The following SLC25A12 variants were observed in gnomAD, a reference collection of about 807,000 sequenced individuals.
The protein encoded by SLC25A12 is solute carrier family 25 member 12.
SLC25A12 carries 32 observed loss-of-function variants against 83.3 expected under a neutral mutation model. The observed-to-expected ratio is 0.38, with a 90% CI of 0.29 to 0.52. SLC25A12 has a LOEUF of 0.52. Among genes scored for constraint, SLC25A12 ranks in the 20% least tolerant of loss-of-function variants. The pLI is 0.84. For missense variants in SLC25A12, 611 were observed against 835.6 expected (o/e 0.73, Z 3.31); for synonymous variants, 267 against 291.1 (o/e 0.92, Z 0.84).
intron 3 of SLC25A12, among the ~76,000 whole-genome samples, chr2:171,866,758 G>C (rs1442191147): frequency 2.1e-5 from 3 of 142,016 alleles, no homozygotes; most frequent in Non-Finnish European, 4.7e-5. Flanking sequence ...CTGGCCGGGT[G>C]GGGGGCTGAC....
chr2:171,813,388 G>A lies in SLC25A12; in HGVS notation c.1122C>T (p.Asp374=), dbSNP rs759032131. ...VGELMYKNSF[D]CFKKVLRYEG... is the part of the protein sequence containing the mutation. ...CATAACGCAAGACTTTCTTAAAACA[G>A]TCAAAGCTGTTTTTGTACATTAGCT... is the stretch of plus-strand genomic sequence containing the variant. The change falls in exon 11 of 18, where the codon GAC becomes GAT. Residue 374 remains aspartate, a synonymous_variant. Transcript: ENST00000422440. 2.5e-6 allele frequency: 4 copies of A among 1,614,066 alleles called. No homozygotes were observed. Among genetic ancestry groups the A allele is most frequent in the Non-Finnish European group, 3.4e-6 (4 of 1,179,966 alleles).
intron 4 of SLC25A12, among the ~76,000 whole-genome samples, chr2:171,847,989 T>C (rs1043279809): frequency 1.3e-5 from 2 of 152,224 alleles, no homozygotes; most frequent in African/African-American, 2.4e-5. Flanking sequence ...CAGTCACTTA[T>C]GATGATTGGA....
intron 5 of SLC25A12, among the ~76,000 whole-genome samples, chr2:171,837,566 G>A (rs921637199): frequency 6.6e-6 from 1 of 152,146 alleles, no homozygotes; most frequent in African/African-American, 2.4e-5. Flanking sequence ...TGAAAACAGA[G>A]AATAATGTTT....
At chr2:171,794,301 G>C (rs922820614) in intron 13 of SLC25A12, among the ~76,000 whole-genome samples, 2 of 152,158 alleles carry the variant, frequency 1.3e-5, no homozygotes, top group Non-Finnish European at 2.9e-5. Flanking sequence ...AAGGGGAAAA[G>C]TCTCCTCCAG....
chr2:171,809,735 T>G, intron 12 of SLC25A12, 49 bp from the exon 13 acceptor site: 2 of 1,351,784 alleles, frequency 1.5e-6, no homozygotes, highest in Non-Finnish European at 2.1e-6. Flanking sequence ...ACCATTTCTC[T>G]TCTGGCATAC....
At chr2:171,814,972 A>G in intron 10 of SLC25A12, 149 bp downstream of exon 10, 1 of 688,896 alleles carries the variant, frequency 1.5e-6, no homozygotes. Context: ...AAGTCTCCTG[A>G]TCATAGGTAA....
intron 9 of SLC25A12, among the ~76,000 whole-genome samples, chr2:171,817,951 C>T (rs1036975370): frequency 6.6e-6 from 1 of 152,168 alleles, no homozygotes; most frequent in Non-Finnish European, 1.5e-5. Flanking sequence ...TTGCTAAAAA[C>T]ATTTCTAACT....
At position 171,791,444 on chromosome 2, in the gene SLC25A12, T is replaced by C; in HGVS notation, c.1585+7A>G. 6.2e-7 allele frequency: 1 copy of C among 1,613,490 alleles called. No homozygotes were observed. ...ATTCTTTCAGTTAAAAAAAAATTTG[T>C]AGTTACCTGCCATGGCTCCAGCTGC... On this transcript the variant is annotated splice_region_variant and intron_variant, in intron 15 of 17. Transcript: ENST00000422440.
intron 6 of SLC25A12, among the ~76,000 whole-genome samples, chr2:171,836,807 C>A (rs944378192): frequency 6.6e-6 from 1 of 152,124 alleles, no homozygotes; most frequent in African/African-American, 2.4e-5. Flanking sequence ...TTCCCTTGAA[C>A]TGGACTCTGT....
chr2:171,868,894 T>C, intron 2 of SLC25A12, 71 bp from the exon 3 acceptor site: 1 of 1,338,736 alleles, frequency 7.5e-7, no homozygotes, highest in Non-Finnish European at 1.1e-6. Context: ...AAATGGTTTG[T>C]GAAAAGGTAA....
chr2:171,806,904 C>T (rs1393341757), intron 13 of SLC25A12, among the ~76,000 whole-genome samples: 7 of 152,312 alleles, frequency 4.6e-5, no homozygotes, highest in African/African-American at 1.7e-4. Context: ...GGCTCACAGA[C>T]AGCCACTCTT....
chr2:171,869,324 A>T (rs1247845936), intron 2 of SLC25A12, among the ~76,000 whole-genome samples: 1 of 152,224 alleles, frequency 6.6e-6, no homozygotes, highest in Non-Finnish European at 1.5e-5. Context: ...AAAATGGTGA[A>T]TTTTACATTA....
rs765417421 is a variant in SLC25A12 at position 171,787,665 on chromosome 2, A to G, written c.1745-4T>C. 34 of 1,613,672 alleles carry G rather than the reference A, an allele frequency of 2.1e-5. No individual in the cohort carries two copies. The highest frequency in any genetic ancestry group is 1.0e-4 in the Admixed American group (6 of 59,998). On this transcript the variant is annotated splice_region_variant and splice_polypyrimidine_tract_variant and intron_variant, in intron 16 of 17. Transcript: ENST00000422440. ...GGAGAGGATCGAAACACTCGAGCTG[A>G]AAAAGAGAAGCAGGGGCAGGGGAGA...
intron 13 of SLC25A12, among the ~76,000 whole-genome samples, chr2:171,804,218 T>C (rs1273329055): frequency 1.3e-5 from 2 of 152,084 alleles, no homozygotes; most frequent in Admixed American, 6.6e-5. Flanking sequence ...TTAGGCACAA[T>C]GTCATGCTTA....
At chr2:171,891,243 G>A (rs1685928669) in intron 2 of SLC25A12, among the ~76,000 whole-genome samples, 1 of 151,652 alleles carries the variant, frequency 6.6e-6, no homozygotes, top group South Asian at 2.1e-4. Context: ...AAGTTGCAGT[G>A]AGCCAAGATC....
intron 2 of SLC25A12, among the ~76,000 whole-genome samples, chr2:171,870,253 C>A (rs1685431291): frequency 6.6e-6 from 1 of 152,112 alleles, no homozygotes; most frequent in Non-Finnish European, 1.5e-5. Flanking sequence ...TAGAAAATAT[C>A]ATAATCCATG....
At chr2:171,791,621 G>T in intron 14 of SLC25A12, 32 bp from the exon 15 acceptor site, 1 of 1,609,352 alleles carries the variant, frequency 6.2e-7, no homozygotes, top group Non-Finnish European at 8.5e-7. Flanking sequence ...GTGCAAAACA[G>T]TGTGAAACTG....
At position 171,807,664 on chromosome 2, in the gene SLC25A12, G is replaced by T. The variant is rs138334733; in HGVS notation, c.1305+1942C>A. 5.4e-3 allele frequency among the ~76,000 whole-genome samples: 816 copies of T among 152,288 alleles called. 9 individuals are homozygous for T. The highest frequency in any genetic ancestry group is 0.018 in the African/African-American group (756 of 41,550). On this transcript the variant is annotated intron_variant, in intron 13 of 17. Transcript: ENST00000422440. ...AAAAGAATATTTATGATTGGCAAAG[G>T]TTCGCTCTCTAGATAAGAACCAATT...
chr2:171,790,014 C>T (rs1683406824), intron 15 of SLC25A12, among the ~76,000 whole-genome samples: 1 of 152,132 alleles, frequency 6.6e-6, no homozygotes, highest in South Asian at 2.1e-4. Context: ...CTAAAATTAC[C>T]ATTGCTAGAG....
Sources: gnomAD v4.1 joint callset for allele counts (sites outside exome capture counted in the v4.1 genomes callset) on GRCh38, gnomAD v4.1.1 for gene constraint, MANE v1.5 for transcripts, NCBI Gene and HGNC (gene_info 2026-07-23, HGNC 2026-07-21) for gene names.